The following HS6ST2 variants were observed in gnomAD, a reference collection of about 807,000 sequenced individuals.
HS6ST2 encodes the protein heparan-sulfate 6-O-sulfotransferase 2.
HS6ST2 carries 17 observed loss-of-function variants against 33.0 expected under a neutral mutation model. The observed-to-expected ratio is 0.52, with a 90% CI of 0.35 to 0.77. The LOEUF is 0.77. Ranked by LOEUF, HS6ST2 falls within the 30% of genes least tolerant of loss-of-function variation. HS6ST2 has a pLI of 0.01. For missense variants in HS6ST2, 519 were observed against 551.7 expected (o/e 0.94, Z 0.59); for synonymous variants, 248 against 237.1 (o/e 1.05, Z -0.42).
chrX:132,750,780 T>G (rs145156543), intron 2 of HS6ST2, among the ~76,000 whole-genome samples: 6 of 112,561 alleles, frequency 5.3e-5, no homozygotes, highest in Non-Finnish European at 7.5e-5. Context: ...ACACCATTAG[T>G]ACACCAAGCC....
chrX:132,845,139 C>T (rs2065740167), intron 2 of HS6ST2, among the ~76,000 whole-genome samples: 1 of 108,126 alleles, frequency 9.2e-6, no homozygotes, highest in Non-Finnish European at 1.9e-5. Flanking sequence ...TTAATATATA[C>T]ATTATACATA....
At chrX:132,872,944 C>T (rs1240519374) in intron 2 of HS6ST2, among the ~76,000 whole-genome samples, 1 of 111,443 alleles carries the variant, frequency 9.0e-6, no homozygotes, top group African/African-American at 3.3e-5. Flanking sequence ...GGAGTAAAAG[C>T]AATGCACTGC....
intron 2 of HS6ST2, among the ~76,000 whole-genome samples, chrX:132,947,798 C>A (rs1237384295): frequency 9.0e-6 from 1 of 111,406 alleles, no homozygotes; most frequent in Non-Finnish European, 1.9e-5. Context: ...ATCAAAGAGC[C>A]CTTTAAAAGT....
chrX:132,637,929 T>TTATATATAATATTTTATATATTATA (rs1569476045), intron 4 of HS6ST2, among the ~76,000 whole-genome samples: 5 of 63,602 alleles, frequency 7.9e-5, no homozygotes, highest in African/African-American at 1.2e-4. Flanking sequence ...TATATATATA[T>TTATATATAATATTTTATATATTATA]TATATATAAT....
At chrX:132,647,920 C>G (rs1338579567) in intron 4 of HS6ST2, among the ~76,000 whole-genome samples, 2 of 112,416 alleles carry the variant, frequency 1.8e-5, no homozygotes, top group African/African-American at 6.5e-5. Context: ...TTGAATCCAG[C>G]TCTACCTCTT....
intron 2 of HS6ST2, among the ~76,000 whole-genome samples, chrX:132,768,046 A>C (rs1215052924): frequency 9.0e-6 from 1 of 111,171 alleles, no homozygotes; most frequent in Non-Finnish European, 1.9e-5. Flanking sequence ...CAAGGTATCT[A>C]TATCTCCCAT....
chrX:132,872,345 C>G (rs191182123), intron 2 of HS6ST2, among the ~76,000 whole-genome samples: 2 of 112,059 alleles, frequency 1.8e-5, no homozygotes, highest in East Asian at 5.6e-4. Context: ...TTGCAAAGAA[C>G]AGCCTGTCTC....
At chrX:132,857,870 T>C (rs1377998601) in intron 2 of HS6ST2, among the ~76,000 whole-genome samples, 1 of 112,184 alleles carries the variant, frequency 8.9e-6, no homozygotes, top group Non-Finnish European at 1.9e-5. Context: ...ATAAATTCAA[T>C]TGAATTCAAA....
intron 2 of HS6ST2, among the ~76,000 whole-genome samples, chrX:132,743,643 A>G (rs2064604821): frequency 9.0e-6 from 1 of 111,543 alleles, no homozygotes; most frequent in Non-Finnish European, 1.9e-5. Context: ...ACCTACCAAG[A>G]GATTTTATAC....
chrX:132,809,169 A>G lies in HS6ST2; in HGVS notation c.948-100675T>C, dbSNP rs183446205. On this transcript the variant is annotated intron_variant, in intron 2 of 4. Transcript: ENST00000370833. ...ACGCCTGGCTAATTTTTGTATTTTT[A>G]GTAGAGACTGGGTTTCCCCATGTTG... 1.8e-4 allele frequency among the ~76,000 whole-genome samples: 20 copies of G among 111,453 alleles called. No homozygotes were observed. In the East Asian group the frequency reaches 5.1e-3, roughly 28 times the overall value.
At chrX:132,871,745 C>T (rs943044455) in intron 2 of HS6ST2, among the ~76,000 whole-genome samples, 3 of 100,109 alleles carry the variant, frequency 3.0e-5, no homozygotes, top group Non-Finnish European at 2.0e-5. Context: ...CTCATGGACT[C>T]AGGGAGGGGA....
intron 2 of HS6ST2, among the ~76,000 whole-genome samples, chrX:132,783,034 T>C (rs1488795352): frequency 9.0e-6 from 1 of 111,432 alleles, no homozygotes; most frequent in African/African-American, 3.3e-5. Context: ...AAGAGGGTCA[T>C]GAGAGGTGAA....
chrX:132,961,144 A>AG (rs1556513919), upstream of HS6ST2: 9 of 107,415 alleles, frequency 8.4e-5, no homozygotes, highest in Admixed American at 3.0e-4. Context: ...AAAAAAAAAA[A>AG]GGGAAGAGAA....
chrX:132,850,750 G>A (rs868328371), intron 2 of HS6ST2, among the ~76,000 whole-genome samples: 5 of 74,610 alleles, frequency 6.7e-5, no homozygotes, highest in East Asian at 3.8e-4. Context: ...ACACACACAC[G>A]CTCCCACATC....
intron 2 of HS6ST2, among the ~76,000 whole-genome samples, chrX:132,933,454 A>G (rs962732534): frequency 3.6e-5 from 4 of 111,607 alleles, no homozygotes; most frequent in African/African-American, 1.3e-4. Context: ...AAGAAGGTAT[A>G]AAAATGGACA....
intron 2 of HS6ST2, among the ~76,000 whole-genome samples, chrX:132,924,708 C>T (rs1237788709): frequency 1.8e-5 from 2 of 111,487 alleles, no homozygotes; most frequent in South Asian, 3.8e-4. Flanking sequence ...GAGTTGTTGA[C>T]GGGGCATGGT....
intron 2 of HS6ST2, among the ~76,000 whole-genome samples, chrX:132,865,722 T>C (rs754369718): frequency 6.2e-5 from 7 of 112,643 alleles, no homozygotes; most frequent in African/African-American, 2.3e-4. Context: ...ATTTCTCTGA[T>C]GGCCAGTGAT....
intron 2 of HS6ST2, among the ~76,000 whole-genome samples, chrX:132,743,470 G>C (rs2064602307): frequency 8.9e-6 from 1 of 112,464 alleles, no homozygotes; most frequent in African/African-American, 3.2e-5. Context: ...GCGTCCTACT[G>C]AGGAGTGACT....
At chrX:132,943,963 C>G (rs1210547983) in intron 2 of HS6ST2, among the ~76,000 whole-genome samples, 6 of 111,355 alleles carry the variant, frequency 5.4e-5, no homozygotes, top group African/African-American at 2.0e-4. Flanking sequence ...CAGGGATGCC[C>G]TCTCTCACCA....
Sources: gnomAD v4.1 joint callset for allele counts (sites outside exome capture counted in the v4.1 genomes callset) on GRCh38, gnomAD v4.1.1 for gene constraint, MANE v1.5 for transcripts, NCBI Gene and HGNC (gene_info 2026-07-23, HGNC 2026-07-21) for gene names.